Variants in GRID2 observed in about 807,000 individuals in gnomAD.
GRID2 encodes the protein glutamate receptor ionotropic, delta-2.
In GRID2, 33 loss-of-function variants were observed where a neutral mutation model predicts 114.8. That is an observed-to-expected ratio of 0.29 (90% confidence interval 0.22 to 0.38). GRID2 has a LOEUF of 0.38. GRID2 is among the 10% of genes least tolerant of loss of function. The pLI is 1.00. For missense variants in GRID2, 1,184 were observed against 1,257.7 expected (o/e 0.94, Z 0.89); for synonymous variants, 505 against 449.9 (o/e 1.12, Z -1.55).
At chr4:92,628,301 G>T (rs1473326084) in intron 2 of GRID2, among the ~76,000 whole-genome samples, 4 of 152,032 alleles carry the variant, frequency 2.6e-5, no homozygotes, top group Non-Finnish European at 5.9e-5. Context: ...GAGGGAAAAA[G>T]ATGACAGCAG....
chr4:93,163,820 C>T (rs1161009735), intron 4 of GRID2, among the ~76,000 whole-genome samples: 20 of 151,860 alleles, frequency 1.3e-4, no homozygotes, highest in Non-Finnish European at 1.3e-4. Context: ...TTAAGGCTAC[C>T]TGCAAATGCC....
intron 13 of GRID2, among the ~76,000 whole-genome samples, chr4:93,578,385 G>T (rs1235221385): frequency 6.6e-6 from 1 of 152,032 alleles, no homozygotes; most frequent in Non-Finnish European, 1.5e-5. Flanking sequence ...GGGTTCTAAA[G>T]ATTATACTGT....
chr4:92,348,440 A>T (rs1175990258), intron 1 of GRID2, among the ~76,000 whole-genome samples: 1 of 152,174 alleles, frequency 6.6e-6, no homozygotes, highest in Admixed American at 6.5e-5. Flanking sequence ...ATGATAACAG[A>T]AGTATTCACT....
chr4:92,674,461 A>G (rs1016722474), intron 2 of GRID2, among the ~76,000 whole-genome samples: 7 of 151,978 alleles, frequency 4.6e-5, no homozygotes, highest in Non-Finnish European at 8.8e-5. Context: ...TACAGTTTCA[A>G]CTTATATGGT....
At chr4:93,226,398 A>G (rs1046740917) in intron 7 of GRID2, among the ~76,000 whole-genome samples, 3 of 152,224 alleles carry the variant, frequency 2.0e-5, no homozygotes, top group Non-Finnish European at 4.4e-5. Context: ...AAACAGAGAA[A>G]TAGGCAAGAA....
chr4:93,582,291 T>A (rs1451301094), intron 13 of GRID2, among the ~76,000 whole-genome samples: 2 of 152,150 alleles, frequency 1.3e-5, no homozygotes, highest in East Asian at 3.9e-4. Flanking sequence ...TCTCTGACCC[T>A]CCTGACTGTC....
intron 4 of GRID2, among the ~76,000 whole-genome samples, chr4:93,145,644 CTTTTTTTTTTTT>C (rs10605313): frequency 4.8e-4 from 22 of 45,708 alleles, no homozygotes; most frequent in African/African-American, 2.0e-3. Context: ...TTCTTTTTTC[CTTTTTTTTTTTT>C]TTTTTTTTTT....
At chr4:92,709,235 A>G (rs1052450645) in intron 2 of GRID2, among the ~76,000 whole-genome samples, 9 of 152,158 alleles carry the variant, frequency 5.9e-5, no homozygotes, top group Non-Finnish European at 1.0e-4. Flanking sequence ...GTAAACCAAT[A>G]CTTGACTCAT....
intron 1 of GRID2, among the ~76,000 whole-genome samples, chr4:92,362,841 G>T (rs1728681814): frequency 6.6e-6 from 1 of 151,932 alleles, no homozygotes; most frequent in Non-Finnish European, 1.5e-5. Flanking sequence ...TTGTGTCATT[G>T]TATATATTAT....
At chr4:92,372,750 T>C (rs530383162) in intron 1 of GRID2, among the ~76,000 whole-genome samples, 13 of 152,148 alleles carry the variant, frequency 8.5e-5, no homozygotes, top group South Asian at 2.1e-4. Flanking sequence ...ATACTTTTTT[T>C]CCCCCTATTT....
intron 8 of GRID2, among the ~76,000 whole-genome samples, chr4:93,287,211 A>T (rs1296914244): frequency 6.6e-6 from 1 of 152,170 alleles, no homozygotes; most frequent in Non-Finnish European, 1.5e-5. Flanking sequence ...GGAGTTGTAA[A>T]GGCTTATGAA....
chr4:92,882,132 A>G (rs1474292857), intron 2 of GRID2, among the ~76,000 whole-genome samples: 1 of 152,130 alleles, frequency 6.6e-6, no homozygotes, highest in African/African-American at 2.4e-5. Flanking sequence ...TTGGTGGAGT[A>G]GAGTTTTATT....
Position 92,901,277 on chromosome 4 carries a change from T to C in GRID2, c.245-183718T>C, listed in dbSNP as rs563559176. Among the ~76,000 whole-genome samples the C allele has an allele frequency of 3.7e-4, 57 of 152,336 alleles. No individual in the cohort carries two copies. The South Asian group carries it at 5.0e-3, about 13-fold the overall frequency. On this transcript the variant is annotated intron_variant, in intron 2 of 15. Coordinates refer to ENST00000282020, the MANE Select transcript of GRID2 (RefSeq NM_001510.4). The stretch of plus-strand genomic sequence containing the variant: ...TTTTAGTAATAGCCATTCTGACTTA[T>C]GTAAGATGGCTATCTTGTGGTTTTA...
intron 8 of GRID2, among the ~76,000 whole-genome samples, chr4:93,324,609 T>A (rs1757623184): frequency 6.6e-6 from 1 of 152,190 alleles, no homozygotes; most frequent in Admixed American, 6.5e-5. Context: ...TCAGAAGGAA[T>A]GGTACCAGCT....
At chr4:93,403,652 A>G (rs1272507561) in intron 9 of GRID2, among the ~76,000 whole-genome samples, 1 of 152,146 alleles carries the variant, frequency 6.6e-6, no homozygotes, top group Non-Finnish European at 1.5e-5. Flanking sequence ...CCATCAAGGA[A>G]ATGCAAATCA....
intron 8 of GRID2, among the ~76,000 whole-genome samples, chr4:93,337,563 T>C (rs933539391): frequency 3.3e-5 from 5 of 152,174 alleles, no homozygotes; most frequent in African/African-American, 7.2e-5. Context: ...CTTTATTATA[T>C]TGGATAGCAA....
At chr4:93,239,298 T>C (rs1005886491) in intron 8 of GRID2, among the ~76,000 whole-genome samples, 7 of 150,020 alleles carry the variant, frequency 4.7e-5, no homozygotes, top group African/African-American at 1.7e-4. Context: ...TATGTATATA[T>C]ACACACACAT....
chr4:92,581,029 A>G (rs776661778), intron 1 of GRID2, among the ~76,000 whole-genome samples: 8 of 151,792 alleles, frequency 5.3e-5, no homozygotes, highest in Non-Finnish European at 8.8e-5. Flanking sequence ...TATTGTTTCA[A>G]TTAGATGTAT....
intron 2 of GRID2, among the ~76,000 whole-genome samples, chr4:92,957,627 G>A (rs780458159): frequency 5.9e-5 from 9 of 151,450 alleles, no homozygotes; most frequent in Non-Finnish European, 1.2e-4. Flanking sequence ...CATTGTGCTA[G>A]CTATACTGAA....
Sources: allele counts gnomAD v4.1 joint callset (sites outside exome capture counted in the v4.1 genomes callset), GRCh38; gene constraint gnomAD v4.1.1; transcripts MANE v1.5; gene names NCBI Gene and HGNC (gene_info 2026-07-23, HGNC 2026-07-21).